DGKB: variants seen among roughly 807,000 people sequenced by gnomAD.
The protein encoded by DGKB is diacylglycerol kinase beta.
Under a neutral mutation model 114.3 loss-of-function variants are expected in DGKB, and 67 were observed. That is an observed-to-expected ratio of 0.59 (90% CI 0.48 to 0.72). DGKB has a LOEUF of 0.72. Among genes scored for constraint, DGKB ranks in the 30% least tolerant of loss-of-function variants. DGKB has a pLI of 0.00. For synonymous variants in DGKB, 398 were observed against 323.1 expected (o/e 1.23, Z -2.49); for missense variants, 907 against 975.2 (o/e 0.93, Z 0.93).
At chr7:14,198,737 G>C (rs1187505844) in intron 23 of DGKB, among the ~76,000 whole-genome samples, 1 of 151,986 alleles carries the variant, frequency 6.6e-6, no homozygotes, top group Non-Finnish European at 1.5e-5. Context: ...ACTGGCCACA[G>C]TGTATCCTAG....
chr7:14,458,793 G>A (rs961469116), intron 21 of DGKB, among the ~76,000 whole-genome samples: 2 of 152,168 alleles, frequency 1.3e-5, no homozygotes, highest in Non-Finnish European at 2.9e-5. Flanking sequence ...GGCAGACAAC[G>A]AGCTAGCTGC....
At position 14,486,121 on chromosome 7, in the gene DGKB, T is replaced by A. The variant is rs10247901; in HGVS notation, c.1771-7896A>T. Among the ~76,000 whole-genome samples the A allele has an allele frequency of 9.8e-3, 1,494 of 152,292 alleles. 30 individuals are homozygous for A. Among genetic ancestry groups the A allele is most frequent in the African/African-American group, 0.035 (1,434 of 41,550 alleles). On this transcript the variant is annotated intron_variant, in intron 20 of 25. Transcript: ENST00000402815. Reference sequence around the variant, plus strand: ...CATGGTCATATCACTCTTGTGATTATGTTGCAGAGGGCAGTGATACCTGGG... The same window carrying A: ...CATGGTCATATCACTCTTGTGATTAAGTTGCAGAGGGCAGTGATACCTGGG...
chr7:14,869,930 T>C (rs1185623661), intron 1 of DGKB, among the ~76,000 whole-genome samples: 1 of 152,158 alleles, frequency 6.6e-6, no homozygotes, highest in African/African-American at 2.4e-5. Flanking sequence ...TAATGTTTTA[T>C]AACCCACGAT....
chr7:14,811,734 AT>A (rs1356072635), intron 2 of DGKB, among the ~76,000 whole-genome samples: 3 of 152,000 alleles, frequency 2.0e-5, no homozygotes, highest in African/African-American at 4.8e-5. Context: ...AGTTTTAAAA[AT>A]TGGGCTATCC....
intron 1 of DGKB, among the ~76,000 whole-genome samples, chr7:14,878,759 A>AC (rs1587125228): frequency 4.4e-5 from 5 of 113,154 alleles, no homozygotes; most frequent in Admixed American, 1.7e-4. Flanking sequence ...AAAAAACAAA[A>AC]AAAAAAAAAC....
rs964732081 is a variant in DGKB at position 14,425,694 on chromosome 7, T to C, written c.1835+52467A>G. ...CATTTCAGTTTTGTCTCAGCATTTATGTAACAGCAGGAGAGAGAAGACAAG... is the reference window on the plus strand; with the variant it reads ...CATTTCAGTTTTGTCTCAGCATTTACGTAACAGCAGGAGAGAGAAGACAAG... On this transcript the variant is annotated intron_variant, in intron 21 of 25. Transcript: ENST00000402815. 1.9e-4 allele frequency among the ~76,000 whole-genome samples: 29 copies of C among 152,292 alleles called. 1 individual carries two copies. The East Asian group carries it at 5.4e-3, about 28-fold the overall frequency.
chr7:14,182,118 G>C (rs990633820), intron 23 of DGKB, among the ~76,000 whole-genome samples: 37 of 152,166 alleles, frequency 2.4e-4, no homozygotes, highest in African/African-American at 8.4e-4. Context: ...TCACGTTATA[G>C]TTGTTACAAT....
At chr7:14,657,175 A>C (rs1008696180) in intron 13 of DGKB, among the ~76,000 whole-genome samples, 3 of 151,644 alleles carry the variant, frequency 2.0e-5, no homozygotes, top group African/African-American at 4.9e-5. Context: ...GAATATTTTA[A>C]ACCAAAATGG....
chr7:14,200,361 T>C (rs1197719576), intron 23 of DGKB, among the ~76,000 whole-genome samples: 1 of 151,982 alleles, frequency 6.6e-6, no homozygotes, highest in East Asian at 1.9e-4. Flanking sequence ...GGCTACCTCA[T>C]TACCTAGTGA....
At chr7:14,622,259 G>A (rs556003299) in intron 14 of DGKB, among the ~76,000 whole-genome samples, 11 of 151,990 alleles carry the variant, frequency 7.2e-5, no homozygotes, top group African/African-American at 2.7e-4. Context: ...TTCTTTCTCT[G>A]AGCTCTCTTC....
intron 23 of DGKB, among the ~76,000 whole-genome samples, chr7:14,225,342 A>C (rs577286966): frequency 2.0e-4 from 31 of 152,090 alleles, no homozygotes; most frequent in Admixed American, 1.9e-3. Context: ...TTTCTTGACT[A>C]CATATTTATT....
chr7:14,176,623 TAA>T, intron 25 of DGKB: 2 of 1,290,568 alleles, frequency 1.5e-6, no homozygotes, highest in Non-Finnish European at 2.0e-6. Context: ...ATACTTAGGC[TAA>T]CACAAACATT....
At chr7:14,941,955 A>G (rs947771516) in intron 1 of DGKB, among the ~76,000 whole-genome samples, 1 of 151,960 alleles carries the variant, frequency 6.6e-6, no homozygotes, top group East Asian at 1.9e-4. Context: ...TTGGAGCCTC[A>G]TTCATTTTTG....
chr7:14,672,934 C>A lies in DGKB; in HGVS notation c.1129G>T (p.Val377Leu). The A allele has an allele frequency of 1.3e-6, 2 of 1,557,078 alleles. No individual in the cohort carries two copies. The highest frequency in any genetic ancestry group is 8.7e-7 in the Non-Finnish European group (1 of 1,146,130). ...ILPPTTICPV[V>L]LTLPTSGVSV... Reference sequence around the variant, plus strand: ...AATGATAAGGAAAAACTCACCAGTACCACTGGACAGATTGTTGTGGGTGGT... The same window carrying A: ...AATGATAAGGAAAAACTCACCAGTAACACTGGACAGATTGTTGTGGGTGGT... The change falls in exon 13 of 26, where the codon GTA (valine) becomes TTA (leucine). Residue 377 changes from valine (V) to leucine (L), a missense_variant. This residue lies in a region of DGKB where 814 missense variants were observed against 856.6 expected (regional missense o/e 0.95). Transcript: ENST00000402815.
At chr7:14,503,749 A>G (rs1357805172) in intron 20 of DGKB, among the ~76,000 whole-genome samples, 1 of 152,148 alleles carries the variant, frequency 6.6e-6, no homozygotes, top group African/African-American at 2.4e-5. Flanking sequence ...GCTTTAGACA[A>G]TAGGGATGTG....
chr7:14,897,801 T>C (rs987249785), intron 1 of DGKB, among the ~76,000 whole-genome samples: 3 of 151,974 alleles, frequency 2.0e-5, no homozygotes, highest in African/African-American at 7.2e-5. Context: ...ATAGTTTTTA[T>C]TTGAAAGCCA....
Position 14,316,150 on chromosome 7 carries a change from T to A in DGKB, c.2122+22365A>T, listed in dbSNP as rs947416325. 5.0e-3 allele frequency among the ~76,000 whole-genome samples: 751 copies of A among 151,588 alleles called. 8 individuals carry two copies. Among genetic ancestry groups the A allele is most frequent in the African/African-American group, 0.017 (720 of 41,322 alleles). ...TTCAAAGCAGTGTGTAGAGGGAAAT[T>A]TATAGCACTAAATACCCACAAGAGA... On this transcript the variant is annotated intron_variant, in intron 23 of 25. Coordinates refer to ENST00000402815, the MANE Select transcript of DGKB (RefSeq NM_001350709.2).
chr7:14,283,641 G>T (rs948556484), intron 23 of DGKB, among the ~76,000 whole-genome samples: 7 of 150,870 alleles, frequency 4.6e-5, no homozygotes, highest in Admixed American at 3.9e-4. Context: ...AACCAAAACA[G>T]CATGGTACTG....
At chr7:14,544,788 AT>A (rs1794023486) in intron 20 of DGKB, among the ~76,000 whole-genome samples, 1 of 152,068 alleles carries the variant, frequency 6.6e-6, no homozygotes, top group Non-Finnish European at 1.5e-5. Flanking sequence ...AGGGTGTTAA[AT>A]TCCTTAGGAG....
Sources: gnomAD v4.1 joint callset for allele counts (sites outside exome capture counted in the v4.1 genomes callset) on GRCh38, gnomAD v4.1.1 for gene constraint, gnomAD v4.1.1 regional missense constraint, MANE v1.5 for transcripts, NCBI Gene and HGNC (gene_info 2026-07-23, HGNC 2026-07-21) for gene names.